ROBO2: variants seen among roughly 807,000 people sequenced by gnomAD.
ROBO2 encodes the protein roundabout homolog 2.
A neutral mutation model predicts 160.8 loss-of-function variants in ROBO2; 53 were observed. The observed-to-expected ratio is 0.33, with a 90% CI of 0.26 to 0.41. ROBO2 has a LOEUF of 0.41. Ranked by LOEUF, ROBO2 falls within the 10% of genes least tolerant of loss-of-function variation. The pLI is 1.00. For missense variants in ROBO2, 1,577 were observed against 1,722.4 expected, an observed-to-expected ratio of 0.92 and a Z score of 1.49; for synonymous variants, 664 against 611.7, an observed-to-expected ratio of 1.09 and a Z score of -1.26.
At chr3:76,862,997 T>G (rs1207982814) in intron 2 of ROBO2, among the ~76,000 whole-genome samples, 1 of 152,104 alleles carries the variant, frequency 6.6e-6, no homozygotes, top group African/African-American at 2.4e-5. Context: ...AAGTCAGCTT[T>G]CTAGAACACA....
At chr3:76,321,769 GAAAAT>G (rs1162918236) in intron 2 of ROBO2, among the ~76,000 whole-genome samples, 1 of 152,058 alleles carries the variant, frequency 6.6e-6, no homozygotes, top group African/African-American at 2.4e-5. Context: ...TTATAGAACT[GAAAAT>G]AAAAGGCCGT....
intron 2 of ROBO2, among the ~76,000 whole-genome samples, chr3:76,053,854 G>A (rs552110797): frequency 6.6e-6 from 1 of 152,138 alleles, no homozygotes; most frequent in East Asian, 1.9e-4. Context: ...TGGGCTAGCA[G>A]ATACAGTACT....
intron 2 of ROBO2, among the ~76,000 whole-genome samples, chr3:76,737,359 A>C (rs1180482028): frequency 6.6e-6 from 1 of 151,902 alleles, no homozygotes; most frequent in Non-Finnish European, 1.5e-5. Context: ...TGCTATAAAC[A>C]TTCCTCCATG....
intron 1 of ROBO2, among the ~76,000 whole-genome samples, chr3:77,059,735 A>C (rs979614168): frequency 2.0e-5 from 3 of 152,158 alleles, no homozygotes; most frequent in African/African-American, 7.2e-5. Flanking sequence ...AAGTTTGGGC[A>C]TAAGCATCAC....
chr3:77,422,348 G>C (rs1453489117), intron 2 of ROBO2, among the ~76,000 whole-genome samples: 2 of 152,120 alleles, frequency 1.3e-5, no homozygotes, highest in Non-Finnish European at 2.9e-5. Context: ...GGCTAAGCAG[G>C]CATTTATAGC....
At chr3:76,761,512 A>G (rs1295406656) in intron 2 of ROBO2, among the ~76,000 whole-genome samples, 1 of 151,740 alleles carries the variant, frequency 6.6e-6, no homozygotes, top group Non-Finnish European at 1.5e-5. Context: ...TAACCATTCC[A>G]CAAATTGGTT....
At chr3:75,928,268 G>A (rs1225697916) in intron 1 of ROBO2, among the ~76,000 whole-genome samples, 1 of 152,178 alleles carries the variant, frequency 6.6e-6, no homozygotes, top group African/African-American at 2.4e-5. Context: ...ACAGGCGTGA[G>A]CCACCGTGCC....
chr3:76,385,565 C>T (rs1004622584), intron 2 of ROBO2, among the ~76,000 whole-genome samples: 8 of 152,094 alleles, frequency 5.3e-5, no homozygotes, highest in African/African-American at 1.4e-4. Flanking sequence ...AAAGCGTACC[C>T]GCAAATTAGA....
intron 25 of ROBO2, 138 bp downstream of exon 27, chr3:77,645,042 G>C: frequency 1.1e-6 from 1 of 885,082 alleles, no homozygotes; most frequent in Non-Finnish European, 1.8e-6. Flanking sequence ...TTTTCAACAA[G>C]TTTGGTCATA....
intron 4 of ROBO2, among the ~76,000 whole-genome samples, chr3:77,489,499 G>A (rs1177751543): frequency 6.6e-6 from 1 of 152,030 alleles, no homozygotes; most frequent in Admixed American, 6.6e-5. Flanking sequence ...GCCTCCACGT[G>A]TCTCCATATA....
chr3:76,892,097 C>T (rs1229735847), intron 2 of ROBO2, among the ~76,000 whole-genome samples: 1 of 150,480 alleles, frequency 6.6e-6, no homozygotes, highest in Non-Finnish European at 1.5e-5. Flanking sequence ...TTCAGGAAAC[C>T]TGTGACAATA....
intron 2 of ROBO2, among the ~76,000 whole-genome samples, chr3:76,015,303 A>G (rs967326887): frequency 1.3e-5 from 2 of 152,234 alleles, no homozygotes; most frequent in Non-Finnish European, 2.9e-5. Context: ...TAAAATATGC[A>G]TATGTTAACT....
chr3:76,748,493 C>A (rs1296811383), intron 2 of ROBO2, among the ~76,000 whole-genome samples: 1 of 150,238 alleles, frequency 6.7e-6, no homozygotes, highest in Non-Finnish European at 1.5e-5. Flanking sequence ...ATATAATATA[C>A]CTGATGTATA....
At chr3:77,517,157 A>C (rs2090110681) in intron 5 of ROBO2, among the ~76,000 whole-genome samples, 1 of 151,720 alleles carries the variant, frequency 6.6e-6, no homozygotes, top group Non-Finnish European at 1.5e-5. Context: ...GCAAAGACTA[A>C]AAAGAAAGTA....
chr3:76,855,110 C>T (rs541448706), intron 2 of ROBO2, among the ~76,000 whole-genome samples: 2 of 152,302 alleles, frequency 1.3e-5, no homozygotes, highest in African/African-American at 4.8e-5. Context: ...GTAAAATTCA[C>T]ACATGGCTAC....
chr3:77,620,419 A>T (rs1322045376), intron 22 of ROBO2, among the ~76,000 whole-genome samples: 2 of 152,190 alleles, frequency 1.3e-5, no homozygotes, highest in African/African-American at 2.4e-5. Flanking sequence ...TTTTTATTCC[A>T]TCAAGGTATA....
At chr3:77,166,431 G>T (rs1029988146) in intron 2 of ROBO2, among the ~76,000 whole-genome samples, 3 of 152,068 alleles carry the variant, frequency 2.0e-5, no homozygotes, top group Admixed American at 6.5e-5. Flanking sequence ...TTTGACACAA[G>T]ATTTAATTCG....
At chr3:76,635,903 AC>A (rs2090304482) in intron 2 of ROBO2, among the ~76,000 whole-genome samples, 1 of 152,194 alleles carries the variant, frequency 6.6e-6, no homozygotes, top group Admixed American at 6.5e-5. Flanking sequence ...GCTGCTCTGG[AC>A]CACACAAAGT....
chr3:76,485,843 T>C (rs1030312222), intron 2 of ROBO2, among the ~76,000 whole-genome samples: 1 of 152,174 alleles, frequency 6.6e-6, no homozygotes, highest in Non-Finnish European at 1.5e-5. Context: ...ATAACAACAA[T>C]TTGTTAGAAC....
Sources: gnomAD v4.1 joint callset for allele counts (sites outside exome capture counted in the v4.1 genomes callset) on GRCh38, gnomAD v4.1.1 for gene constraint, MANE v1.5 for transcripts, NCBI Gene and HGNC (gene_info 2026-07-23, HGNC 2026-07-21) for gene names.